The following PKHD1L1 variants were observed in gnomAD, a reference collection of about 807,000 sequenced individuals.
PKHD1L1 encodes PKHD1 like 1, also known as fibrocystin-L.
PKHD1L1 carries 434 observed loss-of-function variants against 462.9 expected under a neutral mutation model. The ratio of observed to expected loss-of-function variants is 0.94; its 90% CI spans 0.87 to 1.02. The LOEUF (loss-of-function observed/expected upper bound fraction) is 1.02. Ranked by LOEUF, PKHD1L1 falls within the 50% of genes least tolerant of loss-of-function variation. The pLI is 0.00. For missense variants in PKHD1L1, 5,202 were observed against 5,096.1 expected (o/e 1.02, Z -0.63); for synonymous variants, 1,781 against 1,750.0 (o/e 1.02, Z -0.44).
At chr8:109,398,377 G>T in intron 11 of PKHD1L1, 82 bp from the exon 12 acceptor site, 1 of 873,926 alleles carries the variant, frequency 1.1e-6, no homozygotes. Flanking sequence ...TGTTTTAATT[G>T]CAAAAGTGCT....
intron 3 of PKHD1L1, among the ~76,000 whole-genome samples, chr8:109,381,899 C>T (rs1025255061): frequency 6.6e-6 from 1 of 152,064 alleles, no homozygotes; most frequent in African/African-American, 2.4e-5. Context: ...AATCATTTTG[C>T]ATAGTGACAT....
chr8:109,467,018 G>A (rs545525339), intron 50 of PKHD1L1, among the ~76,000 whole-genome samples: 3 of 152,178 alleles, frequency 2.0e-5, no homozygotes, highest in Admixed American at 6.6e-5. Flanking sequence ...GAGAGAGGGA[G>A]CGTTGGCACA....
intron 2 of PKHD1L1, among the ~76,000 whole-genome samples, chr8:109,373,470 G>A (rs1811630029): frequency 7.2e-6 from 1 of 138,252 alleles, no homozygotes; most frequent in African/African-American, 2.5e-5. Context: ...TGGATTCAGT[G>A]ATTTTTTGAA....
chr8:109,460,249 C>CTA (rs1371158439), intron 47 of PKHD1L1, among the ~76,000 whole-genome samples: 1 of 152,038 alleles, frequency 6.6e-6, no homozygotes, highest in Admixed American at 6.6e-5. Flanking sequence ...ATATGGCAAA[C>CTA]TATATTTGAT....
chr8:109,377,450 A>G (rs1461321091), intron 2 of PKHD1L1, among the ~76,000 whole-genome samples: 1 of 152,174 alleles, frequency 6.6e-6, no homozygotes, highest in African/African-American at 2.4e-5. Context: ...TAAATTTACA[A>G]TGACATGGAT....
At chr8:109,413,298 T>A in intron 20 of PKHD1L1, 123 bp from the exon 21 acceptor site, 1 of 652,228 alleles carries the variant, frequency 1.5e-6, no homozygotes, top group Non-Finnish European at 2.3e-6. Flanking sequence ...TTTCTCTGTG[T>A]TCTGGTACGT....
chr8:109,394,563 A>G (rs933138675), intron 10 of PKHD1L1, 78 bp downstream of exon 10: 4 of 965,426 alleles, frequency 4.1e-6, no homozygotes, highest in Non-Finnish European at 5.9e-6. Flanking sequence ...ACCAAAGACA[A>G]TGAGTGTAAG....
rs781033480 is a variant in PKHD1L1, at chr8:109,508,177, G to T, written c.11308G>T (p.Val3770Phe). 11 of 1,613,172 alleles carry T rather than the reference G, an allele frequency of 6.8e-6. No homozygotes were observed. In the African/African-American group the frequency reaches 1.2e-4, roughly 18 times the overall value. ...CTTTGGGATGGAATATGCAATGATG[G>T]TTATTGAAAGTCTGGATCCTGACAC... ...QCFGMEYAMMVIESLDPDTET... is the reference protein window; with the variant it reads ...QCFGMEYAMMFIESLDPDTET... The change falls in exon 70 of 78, where the codon GTT (valine) becomes TTT (phenylalanine). Residue 3770 changes from valine (V) to phenylalanine (F), a missense_variant. Val to Phe is a conservative substitution (Grantham distance 50, BLOSUM62 -1). Around this residue, in one of 3 missense-constraint regions of PKHD1L1, gnomAD observed 698 missense variants for 736.3 expected, o/e 0.95. Coordinates refer to ENST00000378402, the MANE Select transcript of PKHD1L1 (RefSeq NM_177531.6).
intron 2 of PKHD1L1, among the ~76,000 whole-genome samples, chr8:109,375,038 A>G (rs755069192): frequency 1.3e-5 from 2 of 152,130 alleles, no homozygotes; most frequent in Admixed American, 6.5e-5. Flanking sequence ...CTGAATCTGA[A>G]TGTTGGCCTG....
In PKHD1L1 at chr8:109,362,603, G is replaced by T. The variant is rs1439123304; in HGVS notation, c.23G>T (p.Gly8Val). Residue 8 changes from glycine (G) to valine (V), a missense_variant, in exon 1 of 78, where the codon GGT (glycine) becomes GTT (valine). Transcript: ENST00000378402. Reference protein sequence around the residue: MGHLWLLGIWGLCGLLLC... With the variant: MGHLWLLVIWGLCGLLLC... ...TCAATGGGACACCTGTGGCTCCTGG[G>T]TATTTGGGGCCTCTGTGGGCTGCTC... is the stretch of plus-strand genomic sequence containing the variant. 1 of 1,609,954 alleles carries T rather than the reference G, an allele frequency of 6.2e-7. No homozygotes were observed. The highest frequency in any genetic ancestry group is 8.5e-7 in the Non-Finnish European group (1 of 1,178,222).
intron 12 of PKHD1L1, among the ~76,000 whole-genome samples, chr8:109,398,995 A>C (rs1471117908): frequency 6.6e-6 from 1 of 152,186 alleles, no homozygotes; most frequent in East Asian, 1.9e-4. Flanking sequence ...AATTCTTTTC[A>C]GACTTACACC....
chr8:109,433,241 G>A (rs770624433), intron 28 of PKHD1L1, 25 bp downstream of exon 28: 1 of 1,502,922 alleles, frequency 6.7e-7, no homozygotes, highest in Non-Finnish European at 9.2e-7. Context: ...AAACTATTAA[G>A]TCTAATTGTT....
Position 109,466,862 on chromosome 8 carries a change from AC to A in PKHD1L1, c.8605+94del, listed in dbSNP as rs370405037. On this transcript the variant is annotated intron_variant, in intron 50 of 77. Coordinates refer to ENST00000378402, the MANE Select transcript of PKHD1L1 (RefSeq NM_177531.6). The stretch of plus-strand genomic sequence containing the variant: ...CTTGCATTGTTACTTGGTTGTTCAA[AC>A]ATTGCAAAAAGTATAACATTTATAT... The A allele has an allele frequency of 7.4e-4, 871 of 1,169,804 alleles. 4 individuals carry two copies. The African/African-American group carries it at 0.011, about 15-fold the overall frequency. The allele number at this position is 1,169,804 out of a possible 1,614,324, so 72.5% of individuals were successfully genotyped here.
At chr8:109,377,183 C>T (rs963987837) in intron 2 of PKHD1L1, among the ~76,000 whole-genome samples, 1 of 152,154 alleles carries the variant, frequency 6.6e-6, no homozygotes, top group Admixed American at 6.5e-5. Context: ...GTAATGATTG[C>T]TTTGTTGAAA....
chr8:109,366,201 G>A (rs1811221943), intron 2 of PKHD1L1, among the ~76,000 whole-genome samples: 1 of 152,168 alleles, frequency 6.6e-6, no homozygotes, highest in African/African-American at 2.4e-5. Context: ...ATTAGCCTGA[G>A]GACTCTTAAT....
chr8:109,529,087 T>C (rs980034033), intron 77 of PKHD1L1, among the ~76,000 whole-genome samples: 1 of 152,180 alleles, frequency 6.6e-6, no homozygotes, highest in African/African-American at 2.4e-5. Flanking sequence ...AAGCCAAGAC[T>C]AGATTTTAAA....
At chr8:109,440,666 T>C in intron 32 of PKHD1L1, 44 bp from the exon 33 acceptor site, 1 of 1,561,510 alleles carries the variant, frequency 6.4e-7, no homozygotes, top group South Asian at 1.2e-5. Flanking sequence ...GCAAGATAAA[T>C]CAGTAGGAAG....
In PKHD1L1 at chr8:109,491,679, T is replaced by G. The variant is rs138017711; in HGVS notation, c.10115-194T>G. 6.7e-3 allele frequency among the ~76,000 whole-genome samples: 1,012 copies of G among 151,870 alleles called. 6 individuals carry two copies. Among genetic ancestry groups the G allele is most frequent in the Middle Eastern group, 0.024 (7 of 294 alleles). ...GCATCCCAGAAGATTCTAATTCAGG[T>G]AGTCTATTAAAGAGGTAGAGTTCAT... is the stretch of plus-strand genomic sequence containing the variant. On this transcript the variant is annotated intron_variant, in intron 61 of 77. Coordinates refer to ENST00000378402, the MANE Select transcript of PKHD1L1 (RefSeq NM_177531.6).
chr8:109,382,371 A>G, intron 3 of PKHD1L1, 92 bp from the exon 4 acceptor site: 1 of 999,266 alleles, frequency 1.0e-6, no homozygotes, highest in Non-Finnish European at 1.4e-6. Flanking sequence ...TGTCAAAAAT[A>G]GCCTGCAGTC....
Sources: allele counts gnomAD v4.1 joint callset (sites outside exome capture counted in the v4.1 genomes callset), GRCh38; gene constraint gnomAD v4.1.1; regional missense constraint gnomAD v4.1.1; transcripts MANE v1.5; gene names NCBI Gene and HGNC (gene_info 2026-07-23, HGNC 2026-07-21).